The following NRXN3 variants were observed in gnomAD, a reference collection of about 807,000 sequenced individuals.
The protein encoded by NRXN3 is neurexin 3, also known as neurexin III.
Under a neutral mutation model 137.6 loss-of-function variants are expected in NRXN3, and 32 were observed. That is an observed-to-expected ratio of 0.23 (90% confidence interval 0.18 to 0.31). The LOEUF is 0.31. Among genes scored for constraint, NRXN3 ranks in the 10% least tolerant of loss-of-function variants. The pLI, the probability that NRXN3 is intolerant of heterozygous loss-of-function variation, is 1.00. For synonymous variants in NRXN3, 798 were observed against 784.5 expected (o/e 1.02, Z -0.29); for missense variants, 1,574 against 2,062.5 (o/e 0.76, Z 4.59).
intron 10 of NRXN3, among the ~76,000 whole-genome samples, chr14:78,898,545 G>T (rs1389861405): frequency 6.9e-6 from 1 of 145,364 alleles, no homozygotes; most frequent in Non-Finnish European, 1.5e-5. Context: ...CCAGAGCACA[G>T]CTGGGTTTCG....
intron 19 of NRXN3, among the ~76,000 whole-genome samples, chr14:79,798,962 C>G (rs949009259): frequency 2.0e-5 from 3 of 152,054 alleles, no homozygotes; most frequent in Admixed American, 6.6e-5. Flanking sequence ...ATTTGTGAAA[C>G]TTAGGGAATT....
chr14:78,407,024 G>A (rs2092529075), intron 4 of NRXN3, among the ~76,000 whole-genome samples: 1 of 152,178 alleles, frequency 6.6e-6, no homozygotes, highest in Non-Finnish European at 1.5e-5. Flanking sequence ...GACAAAGAGA[G>A]GGTCTTAGGG....
chr14:79,524,421 C>G (rs570763478), intron 16 of NRXN3, among the ~76,000 whole-genome samples: 202 of 152,302 alleles, frequency 1.3e-3, no homozygotes, highest in Non-Finnish European at 2.4e-3. Flanking sequence ...TCCCCTGAGG[C>G]ATGAAGACCT....
At chr14:78,199,725 G>A (rs569478607) in intron 1 of NRXN3, among the ~76,000 whole-genome samples, 3 of 152,262 alleles carry the variant, frequency 2.0e-5, no homozygotes, top group South Asian at 4.1e-4. Context: ...GGCTCTATCT[G>A]TGCCCCAGTG....
At chr14:78,332,264 T>G (rs1400530358) in intron 4 of NRXN3, among the ~76,000 whole-genome samples, 1 of 152,110 alleles carries the variant, frequency 6.6e-6, no homozygotes, top group Non-Finnish European at 1.5e-5. Context: ...TCCCCATCAT[T>G]GTTGCCCTCT....
At chr14:78,473,229 C>T (rs1298719612) in intron 4 of NRXN3, among the ~76,000 whole-genome samples, 3 of 151,778 alleles carry the variant, frequency 2.0e-5, no homozygotes, top group Non-Finnish European at 4.4e-5. Flanking sequence ...GGTGAAACCT[C>T]GTCTCTACTA....
intron 15 of NRXN3, among the ~76,000 whole-genome samples, chr14:79,314,881 C>A (rs112755461): frequency 5.6e-4 from 85 of 151,576 alleles, no homozygotes; most frequent in South Asian, 3.2e-3. Context: ...AAACTAACAA[C>A]CAGAAAGGAC....
At position 78,326,014 on chromosome 14, in the gene NRXN3, C is replaced by T. The variant is rs78267450; in HGVS notation, c.757+28154C>T. Among the ~76,000 whole-genome samples, 528 of 152,296 alleles carry T rather than the reference C, an allele frequency of 3.5e-3. 2 individuals are homozygous for T. The highest frequency in any genetic ancestry group is 0.012 in the African/African-American group (498 of 41,568). On this transcript the variant is annotated intron_variant, in intron 4 of 20. Transcript: ENST00000335750. Reference sequence around the variant, plus strand: ...GAAAGCCCCGTCTTCCAGAAACCCCCTTAGTCCTGGGCAAACCAGGATGAT... The same window carrying T: ...GAAAGCCCCGTCTTCCAGAAACCCCTTTAGTCCTGGGCAAACCAGGATGAT...
intron 8 of NRXN3, among the ~76,000 whole-genome samples, chr14:78,795,762 C>T (rs1026904292): frequency 3.3e-5 from 5 of 152,114 alleles, no homozygotes; most frequent in African/African-American, 7.2e-5. Context: ...GTGAAACAAT[C>T]GTTTAGCTGG....
At position 78,483,981 on chromosome 14, in the gene NRXN3, TACACACACACACACACACACACAC is replaced by T. The variant is rs71979335; in HGVS notation, c.758-161115_758-161092del. On this transcript the variant is annotated intron_variant, in intron 4 of 20. Transcript: ENST00000335750. The stretch of plus-strand genomic sequence containing the variant: ...TTCAGCATAAACCAAGGGATGCTCT[TACACACACACACACACACACACAC>T]ACACACACACACACACACACACAGA... Among the ~76,000 whole-genome samples, 60 of 123,750 alleles carry T rather than the reference TACACACACACACACACACACACAC, an allele frequency of 4.8e-4. 2 individuals are homozygous for T. Among genetic ancestry groups the T allele is most frequent in the African/African-American group, 1.7e-3 (59 of 33,990 alleles). 81.2% of individuals were successfully genotyped at this position (123,750 alleles called of 152,430 possible). A position where few individuals can be genotyped will look rare whatever the true frequency, so the allele number is the denominator to read the frequency against.
intron 16 of NRXN3, among the ~76,000 whole-genome samples, chr14:79,519,109 A>G (rs980049825): frequency 6.6e-6 from 1 of 152,100 alleles, no homozygotes; most frequent in Admixed American, 6.6e-5. Flanking sequence ...CATTTCATCA[A>G]TGGAAATGAA....
chr14:78,490,894 T>C (rs771149720), intron 4 of NRXN3, among the ~76,000 whole-genome samples: 2 of 152,170 alleles, frequency 1.3e-5, no homozygotes, highest in Non-Finnish European at 2.9e-5. Context: ...TTTCTGTCCA[T>C]AGCTGACCCA....
At chr14:78,266,027 A>G (rs2071642702) in intron 2 of NRXN3, among the ~76,000 whole-genome samples, 6 of 152,168 alleles carry the variant, frequency 3.9e-5, no homozygotes, top group Admixed American at 2.6e-4. Flanking sequence ...GAACCTGTAC[A>G]ATGAAAGGAA....
chr14:79,124,517 T>G (rs548193028), intron 15 of NRXN3, among the ~76,000 whole-genome samples: 76 of 152,202 alleles, frequency 5.0e-4, no homozygotes, highest in Non-Finnish European at 9.4e-4. Flanking sequence ...GAGAATTAAC[T>G]TCTACTCTCC....
chr14:79,464,862 T>C (rs1198861456), intron 15 of NRXN3, among the ~76,000 whole-genome samples: 1 of 152,136 alleles, frequency 6.6e-6, no homozygotes, highest in Non-Finnish European at 1.5e-5. Flanking sequence ...ATATAAAATA[T>C]CCCATACAAT....
chr14:79,622,151 T>C (rs900515847), intron 16 of NRXN3, among the ~76,000 whole-genome samples: 1 of 152,132 alleles, frequency 6.6e-6, no homozygotes, highest in African/African-American at 2.4e-5. Flanking sequence ...ATGGTTTAGC[T>C]CATAGTCCAT....
chr14:79,199,193 T>G (rs2065574617), intron 15 of NRXN3, among the ~76,000 whole-genome samples: 1 of 151,998 alleles, frequency 6.6e-6, no homozygotes, highest in South Asian at 2.1e-4. Context: ...ACCTTGGGAC[T>G]TCTTTCTTTC....
At chr14:78,199,109 G>A (rs1371937886) in intron 1 of NRXN3, among the ~76,000 whole-genome samples, 1 of 152,224 alleles carries the variant, frequency 6.6e-6, no homozygotes, top group Non-Finnish European at 1.5e-5. Flanking sequence ...GGACTTTGAT[G>A]AGAGGCCAAG....
chr14:78,676,663 C>T (rs767939234), intron 6 of NRXN3, among the ~76,000 whole-genome samples: 1 of 152,080 alleles, frequency 6.6e-6, no homozygotes. Flanking sequence ...CTACACTAAC[C>T]AACATATTTT....
Sources: allele counts gnomAD v4.1 joint callset (sites outside exome capture counted in the v4.1 genomes callset), GRCh38; gene constraint gnomAD v4.1.1; transcripts MANE v1.5; gene names NCBI Gene and HGNC (gene_info 2026-07-23, HGNC 2026-07-21).